Variants in ALKBH8 observed in about 807,000 individuals in gnomAD.
ALKBH8 encodes the protein alkB homolog 8, tRNA methyltransferase, also known as tRNA (carboxymethyluridine(34)-5-O)-methyltransferase ALKBH8.
ALKBH8 carries 36 observed loss-of-function variants against 59.8 expected under a neutral mutation model. That is an observed-to-expected ratio of 0.60 (90% CI 0.46 to 0.79). ALKBH8 has a LOEUF of 0.79. Ranked by LOEUF, ALKBH8 falls within the 30% of genes least tolerant of loss-of-function variation. The pLI, the probability that ALKBH8 is intolerant of heterozygous loss-of-function variation, is 0.00. For synonymous variants in ALKBH8, 276 were observed against 273.6 expected (o/e 1.01, Z -0.09); for missense variants, 768 against 801.0 (o/e 0.96, Z 0.50).
rs1214682628 is a variant in ALKBH8 at position 107,522,290 on chromosome 11, A to AT, written c.1287+8dup. The AT allele has an allele frequency of 6.4e-6, 10 of 1,550,840 alleles. No homozygotes were observed. In the East Asian group the frequency reaches 7.3e-5, roughly 11 times the overall value. On this transcript the variant is annotated intron_variant, in intron 10 of 11. Transcript: ENST00000428149. ...AAGCAAAAAGAAAGTCAAAAGCAAC[A>AT]TTACTTGCCATATATAACTCCTTAT...
At chr11:107,545,788 C>T (rs1333016584) in intron 7 of ALKBH8, among the ~76,000 whole-genome samples, 1 of 152,150 alleles carries the variant, frequency 6.6e-6, no homozygotes, top group Non-Finnish European at 1.5e-5. Flanking sequence ...AAACCCAAAA[C>T]TAATTGAAAT....
At chr11:107,552,098 C>T (rs924301876) in intron 5 of ALKBH8, among the ~76,000 whole-genome samples, 186 bp from the exon 6 acceptor site, 4 of 115,912 alleles carry the variant, frequency 3.5e-5, no homozygotes, top group Admixed American at 7.9e-5. Context: ...AAAGTCATTT[C>T]ATTGATTTTT....
chr11:107,537,059 G>A (rs1863847196), intron 7 of ALKBH8, among the ~76,000 whole-genome samples: 1 of 152,120 alleles, frequency 6.6e-6, no homozygotes, highest in Non-Finnish European at 1.5e-5. Flanking sequence ...AATCACATAG[G>A]GTTTCAGCCT....
At chr11:107,550,011 A>G (rs1332815397) in intron 6 of ALKBH8, among the ~76,000 whole-genome samples, 188 bp from the exon 7 acceptor site, 2 of 152,368 alleles carry the variant, frequency 1.3e-5, no homozygotes, top group South Asian at 2.1e-4. Flanking sequence ...AACTAAAAAT[A>G]TCTTAACTTC....
intron 7 of ALKBH8, among the ~76,000 whole-genome samples, chr11:107,534,657 C>A (rs1287120805): frequency 6.6e-6 from 1 of 152,104 alleles, no homozygotes; most frequent in Non-Finnish European, 1.5e-5. Flanking sequence ...TTTTGAAACA[C>A]CTGTCCTGGC....
At chr11:107,564,598 A>C (rs943421142) in intron 1 of ALKBH8, among the ~76,000 whole-genome samples, 33 of 152,292 alleles carry the variant, frequency 2.2e-4, no homozygotes, top group African/African-American at 7.9e-4. Context: ...TTCTTTCATG[A>C]CTTTTGAAGT....
intron 9 of ALKBH8, among the ~76,000 whole-genome samples, chr11:107,523,565 T>C (rs1863220250): frequency 6.6e-6 from 1 of 151,238 alleles, no homozygotes; most frequent in Non-Finnish European, 1.5e-5. Flanking sequence ...TTAATAATAA[T>C]ATATTGTATT....
Position 107,560,746 on chromosome 11 carries a change from A to T in ALKBH8, c.129+19T>A. The T allele has an allele frequency of 6.3e-7, 1 of 1,588,058 alleles. No individual in the cohort carries two copies. The highest frequency in any genetic ancestry group is 2.2e-5 in the East Asian group (1 of 44,596). On this transcript the variant is annotated intron_variant, in intron 2 of 11. Coordinates refer to ENST00000428149, the MANE Select transcript of ALKBH8 (RefSeq NM_138775.3). ...GTCAGTACATTTACATTCTAATAAT[A>T]ATAGTAGTTTTAGGTCACCTGAGTG...
intron 11 of ALKBH8, among the ~76,000 whole-genome samples, chr11:107,509,984 TGGTA>T: frequency 6.6e-6 from 1 of 152,334 alleles, no homozygotes; most frequent in African/African-American, 2.4e-5. Context: ...TTAAATTTAC[TGGTA>T]TAGCTGCTCC....
intron 7 of ALKBH8, among the ~76,000 whole-genome samples, chr11:107,543,582 G>A (rs1864132666): frequency 6.6e-6 from 1 of 152,128 alleles, no homozygotes; most frequent in Admixed American, 6.5e-5. Context: ...ATTCTCACCA[G>A]TAGAGCTATA....
chr11:107,524,890 G>T (rs1863286275), intron 9 of ALKBH8, among the ~76,000 whole-genome samples: 1 of 152,126 alleles, frequency 6.6e-6, no homozygotes, highest in South Asian at 2.1e-4. Flanking sequence ...TTGAGTCAAA[G>T]AAATCCAGAA....
chr11:107,538,763 G>A (rs984470093), intron 7 of ALKBH8, among the ~76,000 whole-genome samples: 3 of 152,214 alleles, frequency 2.0e-5, no homozygotes, highest in African/African-American at 7.2e-5. Flanking sequence ...GGATAAAGAA[G>A]AATATACGCT....
chr11:107,522,736 G>T (rs774337318), intron 9 of ALKBH8, among the ~76,000 whole-genome samples, 181 bp from the exon 10 acceptor site: 1 of 152,038 alleles, frequency 6.6e-6, no homozygotes, highest in African/African-American at 2.4e-5. Flanking sequence ...AGTCTGGGGG[G>T]CCAAGGCTGC....
chr11:107,506,240 G>C (rs145738415), intron 11 of ALKBH8, among the ~76,000 whole-genome samples: 21 of 152,190 alleles, frequency 1.4e-4, no homozygotes, highest in African/African-American at 5.1e-4. Flanking sequence ...CATAAAACCA[G>C]TTCTCTGCAG....
chr11:107,551,825 T>C lies in ALKBH8; in HGVS notation c.683A>G (p.Gln228Arg). The C allele has an allele frequency of 3.2e-6, 5 of 1,539,316 alleles. No individual in the cohort carries two copies. The highest frequency in any genetic ancestry group is 4.3e-6 in the Non-Finnish European group (5 of 1,150,932). The change falls in exon 6 of 12, where the codon CAG becomes CGG. Residue 228 changes from glutamine to arginine, a missense_variant. Gln to Arg is a conservative substitution (Grantham distance 43). Coordinates refer to ENST00000428149, the MANE Select transcript of ALKBH8 (RefSeq NM_138775.3). The stretch of plus-strand genomic sequence containing the variant: ...ATACTCACCTTGCCCAGGTTCATAC[T>C]GATTTATGGTCATTTGATCAGGTTT... ...KHKPDQMTIN[Q>R]YEPGQGIPAH...
rs1863150627 is a variant in ALKBH8, at chr11:107,522,362, T to C, written c.1224A>G (p.Ser408=). ...VEFLKALPSG[S]IVADIGCGNG... is the part of the protein sequence containing the mutation. ...TACCACATCCAATATCAGCCACTAT[T>C]GAACCACTTGGCAAAGCCTTCAAAA... The change falls in exon 10 of 12, where the codon TCA becomes TCG. Residue 408 remains serine, a synonymous_variant. Transcript: ENST00000428149. 3.2e-6 allele frequency: 5 copies of C among 1,551,698 alleles called. No individual in the cohort carries two copies. Among genetic ancestry groups the C allele is most frequent in the Non-Finnish European group, 4.4e-6 (5 of 1,146,988 alleles).
rs1022378583 is a variant in ALKBH8 at position 107,560,757 on chromosome 11, T to C, written c.129+8A>G. 16 of 1,598,316 alleles carry C rather than the reference T, an allele frequency of 1.0e-5. No homozygotes were observed. Among genetic ancestry groups the C allele is most frequent in the Non-Finnish European group, 1.4e-5 (16 of 1,173,822 alleles). ...TACATTCTAATAATAATAGTAGTTT[T>C]AGGTCACCTGAGTGGCATAGGATAC... On this transcript the variant is annotated splice_region_variant and intron_variant, in intron 2 of 11. Coordinates refer to ENST00000428149, the MANE Select transcript of ALKBH8 (RefSeq NM_138775.3).
chr11:107,556,259 C>T (rs1864705268), intron 3 of ALKBH8, among the ~76,000 whole-genome samples: 1 of 150,824 alleles, frequency 6.6e-6, no homozygotes, highest in Admixed American at 6.6e-5. Context: ...GCCTGGGCAA[C>T]AAGAGCAAAA....
At chr11:107,511,079 A>C in intron 10 of ALKBH8, 43 bp from the exon 11 acceptor site, 3 of 1,542,728 alleles carry the variant, frequency 1.9e-6, no homozygotes, top group East Asian at 4.9e-5. Flanking sequence ...TTTAAATTTC[A>C]CATGAAATTA....
Sources: gnomAD v4.1 joint callset for allele counts (sites outside exome capture counted in the v4.1 genomes callset) on GRCh38, gnomAD v4.1.1 for gene constraint, MANE v1.5 for transcripts, NCBI Gene and HGNC (gene_info 2026-07-23, HGNC 2026-07-21) for gene names.